Variants in GEMIN7 observed in about 807,000 individuals in gnomAD.
GEMIN7 encodes the protein gem-associated protein 7.
Under a neutral mutation model 7.8 loss-of-function variants are expected in GEMIN7, and 7 were observed. The ratio of observed to expected loss-of-function variants is 0.90; its 90% CI spans 0.51 to 1.69. GEMIN7 has a LOEUF of 1.69. Ranked by LOEUF, GEMIN7 falls within the 40% of genes most tolerant of loss-of-function variation. GEMIN7 has a pLI of 0.00. For synonymous variants in GEMIN7, 68 were observed against 72.4 expected, an observed-to-expected ratio of 0.94 and a Z score of 0.31; for missense variants, 159 against 176.2, an observed-to-expected ratio of 0.90 and a Z score of 0.55.
upstream of GEMIN7, among the ~76,000 whole-genome samples, chr19:45,078,430 G>C (rs1476269019): frequency 1.3e-5 from 2 of 152,094 alleles, no homozygotes; most frequent in Non-Finnish European, 2.9e-5. Context: ...AACCCTGAAG[G>C]ATCTTGTTTA....
chr19:45,081,310 G>T (rs182832372), intron 2 of GEMIN7, among the ~76,000 whole-genome samples: 117 of 152,136 alleles, frequency 7.7e-4, no homozygotes, highest in African/African-American at 2.6e-3. Context: ...TACAAAATTA[G>T]CCATGTGCAG....
chr19:45,084,935 G>C (rs1452079297), intron 2 of GEMIN7, among the ~76,000 whole-genome samples: 1 of 152,186 alleles, frequency 6.6e-6, no homozygotes, highest in Non-Finnish European at 1.5e-5. Flanking sequence ...TGCACCATCA[G>C]GCTAATTTTG....
At chr19:45,084,125 C>T (rs1158874317) in intron 2 of GEMIN7, among the ~76,000 whole-genome samples, 3 of 149,272 alleles carry the variant, frequency 2.0e-5, no homozygotes, top group Admixed American at 1.3e-4. Context: ...TGACGAGAAT[C>T]GCTTGAACCC....
chr19:45,079,240 G>T (rs1265752038), upstream of GEMIN7: 10 of 152,334 alleles, frequency 6.6e-5, no homozygotes, highest in Admixed American at 6.5e-4. Context: ...TGCAGCGGGG[G>T]CGCCGGCGGA....
upstream of GEMIN7, chr19:45,075,651 C>T (rs978099053): frequency 5.0e-6 from 8 of 1,590,578 alleles, no homozygotes; most frequent in South Asian, 1.1e-5. Flanking sequence ...CAGCCCAGCC[C>T]CTTTCCAGCA....
rs1485888956 is a variant in GEMIN7 at position 45,079,914 on chromosome 19, G to A, written c.-124G>A. 2.6e-5 allele frequency: 4 copies of A among 152,184 alleles called. No homozygotes were observed. Among genetic ancestry groups the A allele is most frequent in the African/African-American group, 9.7e-5 (4 of 41,426 alleles). 9.4% of individuals were successfully genotyped at this position (152,184 alleles called of 1,614,324 possible). A position where few individuals can be genotyped will look rare whatever the true frequency, so the allele number is the denominator to read the frequency against. On this transcript the variant is annotated 5_prime_UTR_variant, in exon 2 of 3. Transcript: ENST00000270257. ...CCTTGGTTAATTAATTAGGTCTGGC[G>A]GCTTCTCTGTTGACAACTCAGCTGG...
chr19:45,086,220 A>C (rs1967682330), intron 2 of GEMIN7, among the ~76,000 whole-genome samples: 1 of 151,622 alleles, frequency 6.6e-6, no homozygotes, highest in Non-Finnish European at 1.5e-5. Context: ...CCGAGGTGGC[A>C]CCACTGCACT....
chr19:45,085,829 C>T lies in GEMIN7; in HGVS notation c.-8-4278C>T, dbSNP rs377298458. Reference sequence around the variant, plus strand: ...GGGCATGGTGGTGTGTGTCTGTAGTCGCAGCTTCTCGGGAGACTGAGGCAC... The same window carrying T: ...GGGCATGGTGGTGTGTGTCTGTAGTTGCAGCTTCTCGGGAGACTGAGGCAC... On this transcript the variant is annotated intron_variant, in intron 2 of 2. Coordinates refer to ENST00000270257, the MANE Select transcript of GEMIN7 (RefSeq NM_024707.3). Among the ~76,000 whole-genome samples the T allele has an allele frequency of 8.1e-5, 12 of 147,356 alleles. No individual in the cohort carries two copies. The East Asian group carries it at 1.0e-3, about 12-fold the overall frequency.
At chr19:45,083,201 T>C (rs913625256) in intron 2 of GEMIN7, among the ~76,000 whole-genome samples, 1 of 152,214 alleles carries the variant, frequency 6.6e-6, no homozygotes, top group African/African-American at 2.4e-5. Flanking sequence ...ATCCCGGCAC[T>C]TTGGGAAGCT....
At chr19:45,080,711 C>A (rs1234467034) in intron 2 of GEMIN7, among the ~76,000 whole-genome samples, 2 of 151,516 alleles carry the variant, frequency 1.3e-5, no homozygotes, top group East Asian at 1.9e-4. Flanking sequence ...GCTTCACTGG[C>A]CACTTTACAA....
intron 2 of GEMIN7, among the ~76,000 whole-genome samples, chr19:45,084,833 A>G (rs4803797): frequency 0.73 from 110,736 of 152,274 alleles, 41,981 homozygotes; most frequent in African/African-American, 0.93. Context: ...TCGGCTCACC[A>G]CAACCTCTGC....
At chr19:45,084,231 AAAG>A (rs1346881987) in intron 2 of GEMIN7, among the ~76,000 whole-genome samples, 2 of 148,200 alleles carry the variant, frequency 1.3e-5, no homozygotes, top group African/African-American at 5.0e-5. Flanking sequence ...AAAAAAAAAA[AAAG>A]AAATTAAAAT....
chr19:45,081,970 T>C (rs903789843), intron 2 of GEMIN7, among the ~76,000 whole-genome samples: 1 of 152,050 alleles, frequency 6.6e-6, no homozygotes, highest in Admixed American at 6.6e-5. Context: ...CCCATTCCCA[T>C]TGTCCCCAGC....
intron 2 of GEMIN7, among the ~76,000 whole-genome samples, chr19:45,084,731 C>G (rs900022420): frequency 1.3e-5 from 2 of 152,212 alleles, no homozygotes; most frequent in Non-Finnish European, 2.9e-5. Context: ...GAGCCTGCCA[C>G]CATGCCCAGC....
chr19:45,083,015 G>T (rs1056133150), intron 2 of GEMIN7, among the ~76,000 whole-genome samples: 3 of 152,188 alleles, frequency 2.0e-5, no homozygotes, highest in Non-Finnish European at 4.4e-5. Context: ...ATGTTCATTT[G>T]TTTCCATATT....
rs35129433 is a variant in GEMIN7, at chr19:45,082,786, A to AT, written c.-9+2772dup. ...GTCGCACACTACCCATGCCCAGCTA[A>AT]TTTTTTTTTTTTTTTGTAGAGATGG... On this transcript the variant is annotated intron_variant, in intron 2 of 2. Coordinates refer to ENST00000270257, the MANE Select transcript of GEMIN7 (RefSeq NM_024707.3). Among the ~76,000 whole-genome samples the AT allele has an allele frequency of 1.3e-3, 174 of 138,374 alleles. 1 individual carries two copies. The highest frequency in any genetic ancestry group is 7.0e-3 in the East Asian group (34 of 4,864). 90.8% of individuals were successfully genotyped at this position (138,374 alleles called of 152,430 possible).
At chr19:45,075,922 TGAAGGAGAGGG>T (rs1432691192), upstream of GEMIN7, 122 of 1,595,048 alleles carry the variant, frequency 7.6e-5, no homozygotes, top group South Asian at 2.2e-5. Flanking sequence ...CTGAGGGTGC[TGAAGGAGAGGG>T]GAAACCGAAG....
chr19:45,090,538 G>A lies in GEMIN7; in HGVS notation c.*28G>A, dbSNP rs532059949. Reference sequence around the variant, plus strand: ...ATATTGTGTTCACTTTTCTGCTTGAGGCTAAGGCACTGTATCCCAGGCCTC... The same window carrying A: ...ATATTGTGTTCACTTTTCTGCTTGAAGCTAAGGCACTGTATCCCAGGCCTC... On this transcript the variant is annotated 3_prime_UTR_variant, in exon 3 of 3. Coordinates refer to ENST00000270257, the MANE Select transcript of GEMIN7 (RefSeq NM_024707.3). 2 of 1,580,292 alleles carry A rather than the reference G, an allele frequency of 1.3e-6. No individual in the cohort carries two copies. Among genetic ancestry groups the A allele is most frequent in the South Asian group, 1.1e-5 (1 of 87,232 alleles).
chr19:45,090,128 TG>T lies in GEMIN7; in HGVS notation c.15del (p.Asn6ThrfsTer29), dbSNP rs1568434092. 3 of 1,611,362 alleles carry T rather than the reference TG, an allele frequency of 1.9e-6. No homozygotes were observed. The highest frequency in any genetic ancestry group is 3.3e-5 in the Admixed American group (2 of 59,796). ...ACAGCCAAGACAATGCAAACTCCAG[TG>T]AACATTCCCGTGCCTGTGCTCCGGC... is the stretch of plus-strand genomic sequence containing the variant. MQTP[V>X]NIPVPVLRLP... On this transcript the variant is annotated frameshift_variant, in exon 3 of 3. Coordinates refer to ENST00000270257, the MANE Select transcript of GEMIN7 (RefSeq NM_024707.3). LOFTEE classifies it high-confidence loss of function.
Sources: allele counts gnomAD v4.1 joint callset (sites outside exome capture counted in the v4.1 genomes callset), GRCh38; gene constraint gnomAD v4.1.1; transcripts MANE v1.5; gene names NCBI Gene and HGNC (gene_info 2026-07-23, HGNC 2026-07-21).